The following SEC23B variants were observed in gnomAD, a reference collection of about 807,000 sequenced individuals.
SEC23B encodes the protein protein transport protein Sec23B.
A neutral mutation model predicts 104.3 loss-of-function variants in SEC23B; 77 were observed. The ratio of observed to expected loss-of-function variants is 0.74; its 90% confidence interval spans 0.61 to 0.89. The LOEUF (loss-of-function observed/expected upper bound fraction) is 0.89, where lower values mean the gene tolerates loss of function less well. Among genes scored for constraint, SEC23B ranks in the 40% least tolerant of loss-of-function variants. The pLI is 0.00. For missense variants in SEC23B, 885 were observed against 949.4 expected, an observed-to-expected ratio of 0.93 and a Z score of 0.89; for synonymous variants, 338 against 332.5, an observed-to-expected ratio of 1.02 and a Z score of -0.18.
rs1476875168 is a variant in SEC23B, at chr20:18,560,692, G to A, written c.2256G>A (p.Gln752=). ...TCCTAACTGATGATGTTAGCCTGCA[G>A]GTGTTCATGGACCATTTGAAGAAGC... The part of the protein sequence containing the change: ...APILTDDVSL[Q]VFMDHLKKLA... Residue 752 remains glutamine, a synonymous_variant, in exon 20 of 20, where the codon CAG becomes CAA. Coordinates refer to ENST00000650089, the MANE Select transcript of SEC23B (RefSeq NM_006363.6). 6.2e-7 allele frequency: 1 copy of A among 1,614,134 alleles called. No individual in the cohort carries two copies. The highest frequency in any genetic ancestry group is 8.5e-7 in the Non-Finnish European group (1 of 1,180,002).
intron 4 of SEC23B, among the ~76,000 whole-genome samples, chr20:18,520,246 G>A (rs1210954096): frequency 6.6e-5 from 10 of 152,058 alleles, no homozygotes; most frequent in Admixed American, 6.6e-4. Context: ...AGTAAAATGG[G>A]ATTGTAAGGA....
Position 18,535,650 on chromosome 20 carries a change from C to G in SEC23B, c.1315-3C>G, listed in dbSNP as rs1479868616. 1 of 1,613,762 alleles carries G rather than the reference C, an allele frequency of 6.2e-7. No homozygotes were observed. Among genetic ancestry groups the G allele is most frequent in the East Asian group, 2.2e-5 (1 of 44,860 alleles). ...TTTTTCAAATTCCTCTTCCCACCCC[C>G]AGGAGCTTGGTGTTGGTGGCACGAG... On this transcript the variant is annotated splice_region_variant and splice_polypyrimidine_tract_variant and intron_variant, in intron 11 of 19. Transcript: ENST00000650089.
chr20:18,548,485 C>T (rs1218692684), intron 15 of SEC23B, 124 bp from the exon 16 acceptor site: 3 of 904,806 alleles, frequency 3.3e-6, no homozygotes, highest in East Asian at 5.2e-5. Flanking sequence ...GCTTTCTGTT[C>T]TGTGAAACCA....
At chr20:18,518,267 T>A (rs1362409573) in intron 4 of SEC23B, among the ~76,000 whole-genome samples, 1 of 152,186 alleles carries the variant, frequency 6.6e-6, no homozygotes, top group Non-Finnish European at 1.5e-5. Context: ...CCTCTACCCA[T>A]CCAGTGAAAG....
At chr20:18,551,312 G>A in intron 17 of SEC23B, 137 bp downstream of exon 17, 1 of 614,638 alleles carries the variant, frequency 1.6e-6, no homozygotes, top group Admixed American at 2.8e-5. Flanking sequence ...TATTAAGTTA[G>A]GTTTTTAATG....
rs900014610 is a variant in SEC23B at position 18,517,258 on chromosome 20, T to C, written c.366+1522T>C. Among the ~76,000 whole-genome samples the C allele has an allele frequency of 9.2e-5, 14 of 152,274 alleles. No homozygotes were observed. The East Asian group carries it at 1.2e-3, about 13-fold the overall frequency. On this transcript the variant is annotated intron_variant, in intron 4 of 19. Transcript: ENST00000650089. ...GGTGGTGGATTATCATTAGTTCTTA[T>C]AGGTTTTGGGATAGGCAGTGGAGTT... is the stretch of plus-strand genomic sequence containing the variant.
At chr20:18,524,820 G>C in intron 5 of SEC23B, 115 bp from the exon 6 acceptor site, 1 of 1,257,860 alleles carries the variant, frequency 8.0e-7, no homozygotes, top group South Asian at 1.2e-5. Context: ...AGCCTCATGA[G>C]TAGGTGGGAC....
chr20:18,519,483 A>T (rs1434211475), intron 4 of SEC23B, among the ~76,000 whole-genome samples: 1 of 152,192 alleles, frequency 6.6e-6, no homozygotes, highest in African/African-American at 2.4e-5. Flanking sequence ...CCGCACGGAG[A>T]CATGATGGCC....
chr20:18,537,685 A>G (rs1295136968), intron 12 of SEC23B, among the ~76,000 whole-genome samples: 1 of 152,180 alleles, frequency 6.6e-6, no homozygotes, highest in Non-Finnish European at 1.5e-5. Flanking sequence ...ATGTATACAT[A>G]TGTAACTAAC....
At chr20:18,554,039 C>T (rs1364683182) in intron 17 of SEC23B, among the ~76,000 whole-genome samples, 196 bp from the exon 18 acceptor site, 4 of 152,184 alleles carry the variant, frequency 2.6e-5, no homozygotes, top group South Asian at 2.1e-4. Context: ...TGGGGGAATG[C>T]GCAGGCGGGG....
At chr20:18,527,383 GAGAAA>G in intron 8 of SEC23B, 108 bp from the exon 9 acceptor site, 2 of 779,324 alleles carry the variant, frequency 2.6e-6, no homozygotes, top group South Asian at 1.4e-5. Context: ...GTCACAAAAA[GAGAAA>G]AGAAAATGAT....
Position 18,535,635 on chromosome 20 carries a change from T to A in SEC23B, c.1315-18T>A. 1 of 1,611,320 alleles carries A rather than the reference T, an allele frequency of 6.2e-7. No homozygotes were observed. The highest frequency in any genetic ancestry group is 8.5e-7 in the Non-Finnish European group (1 of 1,177,496). On this transcript the variant is annotated intron_variant, in intron 11 of 19. Transcript: ENST00000650089. ...GGTTTTCTGGTTTTGTTTTTCAAAT[T>A]CCTCTTCCCACCCCCAGGAGCTTGG...
intron 4 of SEC23B, among the ~76,000 whole-genome samples, chr20:18,519,998 A>T (rs375291015): frequency 1.3e-5 from 2 of 152,330 alleles, no homozygotes; most frequent in South Asian, 4.1e-4. Context: ...TAATTTGCTG[A>T]GCCTGATGGG....
chr20:18,509,085 T>C (rs1353376832), intron 1 of SEC23B, among the ~76,000 whole-genome samples: 1 of 152,218 alleles, frequency 6.6e-6, no homozygotes, highest in Non-Finnish European at 1.5e-5. Flanking sequence ...TCTGCTGACA[T>C]ACTTGCTGAG....
At chr20:18,549,905 C>T (rs1279755765) in intron 16 of SEC23B, among the ~76,000 whole-genome samples, 4 of 151,690 alleles carry the variant, frequency 2.6e-5, no homozygotes, top group Non-Finnish European at 5.9e-5. Context: ...ACCCCGGAGG[C>T]GGAGGCTGCA....
chr20:18,512,075 A>G (rs1226723402), intron 2 of SEC23B, 150 bp from the exon 3 acceptor site: 1 of 524,162 alleles, frequency 1.9e-6, no homozygotes. Context: ...AACGTTTTGC[A>G]TACTCATACT....
rs191183134 is a variant in SEC23B at position 18,516,045 on chromosome 20, C to G, written c.366+309C>G. ...AACCTTAGACTTATCCTTGACCTCT[C>G]TCTTTCATGTTCCATATCTAATTCA... On this transcript the variant is annotated intron_variant, in intron 4 of 19. Transcript: ENST00000650089. 1.8e-3 allele frequency: 616 copies of G among 343,856 alleles called. 4 individuals carry two copies. Among genetic ancestry groups the G allele is most frequent in the South Asian group, 2.9e-3 (109 of 38,230 alleles). 21.3% of individuals were successfully genotyped at this position (343,856 alleles called of 1,614,324 possible).
intron 8 of SEC23B, among the ~76,000 whole-genome samples, chr20:18,527,002 G>A (rs968371880): frequency 2.6e-5 from 4 of 152,230 alleles, no homozygotes; most frequent in East Asian, 1.9e-4. Flanking sequence ...GATCACTTGA[G>A]GTCAGGAGTT....
intron 1 of SEC23B, 66 bp from the exon 2 acceptor site, chr20:18,510,756 C>T (rs1334305963): frequency 1.1e-5 from 14 of 1,252,100 alleles, no homozygotes; most frequent in Non-Finnish European, 1.6e-5. Flanking sequence ...CATGACCCAT[C>T]TTCTTTTTTT....
Sources: gnomAD v4.1 joint callset for allele counts (sites outside exome capture counted in the v4.1 genomes callset) on GRCh38, gnomAD v4.1.1 for gene constraint, MANE v1.5 for transcripts, NCBI Gene and HGNC (gene_info 2026-07-23, HGNC 2026-07-21) for gene names.